PCNT: variants seen among roughly 807,000 people sequenced by gnomAD.
The protein encoded by PCNT is pericentrin.
A neutral mutation model predicts 380.4 loss-of-function variants in PCNT; 319 were observed. The ratio of observed to expected loss-of-function variants is 0.84; its 90% CI spans 0.77 to 0.92. The LOEUF is 0.92. Ranked by LOEUF, PCNT falls within the 40% of genes least tolerant of loss-of-function variation. The pLI, the probability that PCNT is intolerant of heterozygous loss-of-function variation, is 0.00. For synonymous variants in PCNT, 1,845 were observed against 1,735.2 expected (o/e 1.06, Z -1.57); for missense variants, 4,400 against 4,255.3 (o/e 1.03, Z -0.95).
intron 13 of PCNT, among the ~76,000 whole-genome samples, chr21:46,362,778 A>C (rs961232257): frequency 5.3e-5 from 8 of 151,802 alleles, no homozygotes; most frequent in Non-Finnish European, 1.2e-4. Context: ...CCCTGTCTCT[A>C]TAAAGGATTG....
Position 46,430,539 on chromosome 21 carries a change from A to G in PCNT, c.7946A>G (p.Lys2649Arg), listed in dbSNP as rs373282346. The G allele has an allele frequency of 6.4e-7, 1 of 1,554,372 alleles. No individual in the cohort carries two copies. The highest frequency in any genetic ancestry group is 1.4e-5 in the African/African-American group (1 of 73,378). Residue 2649 changes from lysine to arginine, a missense_variant, in exon 37 of 47, where the codon AAG becomes AGG. By Grantham distance (26) the Lys-to-Arg change is conservative. Transcript: ENST00000359568. Reference protein sequence around the residue: ...SMLSSKENELKAALQELESEQ... With the variant: ...SMLSSKENELRAALQELESEQ... ...CTGAGCAGTAAGGAGAACGAGCTGAAGGCCGCGCTTCAGGAGCTGGAGAGT... is the reference window on the plus strand; with the variant it reads ...CTGAGCAGTAAGGAGAACGAGCTGAGGGCCGCGCTTCAGGAGCTGGAGAGT...
chr21:46,438,865 G>T (rs933898568), intron 41 of PCNT, among the ~76,000 whole-genome samples: 8 of 151,896 alleles, frequency 5.3e-5, no homozygotes, highest in African/African-American at 1.9e-4. Flanking sequence ...TAGAGATGGG[G>T]TTTTGCCATG....
chr21:46,384,172 G>A (rs147586151), intron 16 of PCNT, among the ~76,000 whole-genome samples: 6,173 of 135,806 alleles, frequency 0.045, 602 homozygotes, highest in Non-Finnish European at 0.066. Flanking sequence ...ATTCAGCAGC[G>A]GAAGCGCATT....
chr21:46,399,064 C>T (rs901511569), intron 24 of PCNT, among the ~76,000 whole-genome samples: 1 of 151,774 alleles, frequency 6.6e-6, no homozygotes, highest in African/African-American at 2.4e-5. Flanking sequence ...CGTGATCTGC[C>T]TGCCTCAGCC....
intron 3 of PCNT, among the ~76,000 whole-genome samples, chr21:46,342,755 T>C (rs1267372697): frequency 6.6e-6 from 1 of 151,910 alleles, no homozygotes; most frequent in South Asian, 2.1e-4. Context: ...GGTCTCAATC[T>C]CTTGACCTCG....
intron 11 of PCNT, among the ~76,000 whole-genome samples, chr21:46,354,438 C>T (rs1308972615): frequency 3.9e-5 from 6 of 152,218 alleles, no homozygotes; most frequent in Non-Finnish European, 7.3e-5. Context: ...TGTGTTTCTT[C>T]CTTGAGTTGC....
intron 2 of PCNT, among the ~76,000 whole-genome samples, chr21:46,329,604 A>T (rs2083491859): frequency 6.6e-6 from 1 of 152,200 alleles, no homozygotes; most frequent in African/African-American, 2.4e-5. Flanking sequence ...CACTCACTGC[A>T]CTTGCTGCAT....
At chr21:46,348,955 A>T in intron 6 of PCNT, 57 bp from the exon 7 acceptor site, 1 of 1,207,344 alleles carries the variant, frequency 8.3e-7, no homozygotes, top group South Asian at 1.2e-5. Flanking sequence ...TGTGATTTAA[A>T]TTTCTTTAGC....
intron 14 of PCNT, 65 bp from the exon 15 acceptor site, chr21:46,366,519 C>T (rs1364791326): frequency 2.1e-6 from 3 of 1,420,178 alleles, no homozygotes; most frequent in Admixed American, 1.7e-5. Flanking sequence ...ACTGACTTGG[C>T]TTTTGCAAGG....
chr21:46,337,077 A>T (rs1033899193), intron 3 of PCNT, among the ~76,000 whole-genome samples: 2 of 151,832 alleles, frequency 1.3e-5, no homozygotes, highest in Non-Finnish European at 2.9e-5. Context: ...GGCTTGCTGC[A>T]GCCTCTGCCT....
At chr21:46,355,361 T>C (rs987499038) in intron 11 of PCNT, 91 bp from the exon 12 acceptor site, 1 of 1,363,066 alleles carries the variant, frequency 7.3e-7, no homozygotes, top group Non-Finnish European at 1.0e-6. Flanking sequence ...GAGTTTTCTT[T>C]GTGCATAGCA....
chr21:46,381,612 T>C, intron 15 of PCNT, 82 bp from the exon 16 acceptor site: 1 of 1,318,468 alleles, frequency 7.6e-7, no homozygotes, highest in Non-Finnish European at 1.1e-6. Flanking sequence ...GCATATCTGC[T>C]GAATGTGCTG....
intron 3 of PCNT, among the ~76,000 whole-genome samples, chr21:46,340,528 T>G (rs1274122183): frequency 1.3e-5 from 2 of 152,242 alleles, no homozygotes; most frequent in Admixed American, 6.5e-5. Flanking sequence ...TTAGTTCTAT[T>G]TGGATTCTTT....
intron 10 of PCNT, 75 bp from the exon 11 acceptor site, chr21:46,353,912 G>A: frequency 1.5e-6 from 2 of 1,299,300 alleles, no homozygotes; most frequent in East Asian, 2.4e-5. Flanking sequence ...TGAGCAGTCG[G>A]TCCTGGGGAG....
At chr21:46,342,317 G>C (rs956443536) in intron 3 of PCNT, among the ~76,000 whole-genome samples, 1 of 152,094 alleles carries the variant, frequency 6.6e-6, no homozygotes, top group Non-Finnish European at 1.5e-5. Flanking sequence ...ATGTCGCCCA[G>C]GCTGGTCTTG....
Position 46,442,515 on chromosome 21 carries a change from G to A in PCNT, c.9642G>A (p.Lys3214=), listed in dbSNP as rs779427590. 4 of 1,611,226 alleles carry A rather than the reference G, an allele frequency of 2.5e-6. No homozygotes were observed. In the South Asian group the frequency reaches 3.3e-5, roughly 13 times the overall value. ...IAILRLRFLV[K]KWQEVDRKGA... is the part of the protein sequence containing the mutation. ...TTTGTAGATTACGTTTTTTGGTTAA[G>A]AAATGGCAAGAAGTAGATCGGAAAG... The change falls in exon 44 of 47, where the codon AAG becomes AAA. Residue 3214 remains lysine, a synonymous_variant. Coordinates refer to ENST00000359568, the MANE Select transcript of PCNT (RefSeq NM_006031.6).
At chr21:46,381,498 A>C (rs1393336281) in intron 15 of PCNT, among the ~76,000 whole-genome samples, 196 bp from the exon 16 acceptor site, 3 of 152,106 alleles carry the variant, frequency 2.0e-5, no homozygotes, top group African/African-American at 7.2e-5. Flanking sequence ...TTATCCCCGA[A>C]ACCAGGACTT....
At position 46,425,687 on chromosome 21, in the gene PCNT, G is replaced by A. The variant is rs959851320; in HGVS notation, c.7180-144G>A. On this transcript the variant is annotated intron_variant, in intron 32 of 46. Coordinates refer to ENST00000359568, the MANE Select transcript of PCNT (RefSeq NM_006031.6). This position sits in a 1 kb window ranked among gnomAD's most constrained non-coding sequence, Gnocchi z 4.2. ...GTAGCTTGAGAAGTGGGTGCCGCCT[G>A]TACGAAGCCGAGGCGGTGCCCTCCC... The A allele has an allele frequency of 6.6e-5, 75 of 1,141,678 alleles. No homozygotes were observed. Among genetic ancestry groups the A allele is most frequent in the Non-Finnish European group, 8.8e-5 (68 of 769,104 alleles). The allele number at this position is 1,141,678 out of a possible 1,614,324, so 70.7% of individuals were successfully genotyped here. A position where few individuals can be genotyped will look rare whatever the true frequency, so the allele number is the denominator to read the frequency against.
rs1171960841 is a variant in PCNT at position 46,441,302 on chromosome 21, G to A, written c.9623+218G>A. ...TCACCTTCTAAAACTAAAGATTTAA[G>A]GGCACCTTTGTATTACAGAGGAACA... On this transcript the variant is annotated intron_variant, in intron 43 of 46. Coordinates refer to ENST00000359568, the MANE Select transcript of PCNT (RefSeq NM_006031.6). 2.0e-5 allele frequency among the ~76,000 whole-genome samples: 3 copies of A among 152,306 alleles called. 1 individual carries two copies. The East Asian group carries it at 5.8e-4, about 29-fold the overall frequency.
Sources: allele counts gnomAD v4.1 joint callset (sites outside exome capture counted in the v4.1 genomes callset), GRCh38; gene constraint gnomAD v4.1.1; non-coding constraint Gnocchi (gnomAD v3.1); transcripts MANE v1.5; gene names NCBI Gene and HGNC (gene_info 2026-07-23, HGNC 2026-07-21).